Variants in ZC4H2 observed in about 807,000 individuals in gnomAD.
ZC4H2 encodes the protein zinc finger C4H2 domain-containing protein.
For synonymous variants in ZC4H2, 84 were observed against 66.3 expected, an observed-to-expected ratio of 1.27 and a Z score of -1.30; for missense variants, 137 against 173.9, an observed-to-expected ratio of 0.79 and a Z score of 1.19.
intron 1 of ZC4H2, among the ~76,000 whole-genome samples, chrX:64,954,361 T>A (rs1192955009): frequency 2.6e-4 from 20 of 76,790 alleles, no homozygotes; most frequent in Non-Finnish European, 4.1e-4. Context: ...TATAATTATA[T>A]ATATATATAT....
upstream of ZC4H2, among the ~76,000 whole-genome samples, chrX:64,979,157 CT>C (rs912527671): frequency 4.5e-5 from 5 of 112,144 alleles, no homozygotes; most frequent in African/African-American, 1.6e-4. Context: ...CATCACCCTA[CT>C]TGGCTGAAAC....
At chrX:64,951,628 G>A (rs969322913) in intron 1 of ZC4H2, among the ~76,000 whole-genome samples, 23 of 111,658 alleles carry the variant, frequency 2.1e-4, no homozygotes, top group Middle Eastern at 4.6e-3. Flanking sequence ...CATGTCCTTC[G>A]CCCATTTTTT....
At position 64,921,889 on chromosome X, in the gene ZC4H2, C is replaced by T. The variant is rs1196055058; in HGVS notation, c.153G>A (p.Glu51=). The T allele has an allele frequency of 8.3e-7, 1 of 1,210,903 alleles. No homozygotes were observed. Among genetic ancestry groups the T allele is most frequent in the South Asian group, 1.8e-5 (1 of 56,894 alleles). The change falls in exon 2 of 5, where the codon GAG becomes GAA. Residue 51 remains glutamate, a synonymous_variant. Transcript: ENST00000374839. Reference sequence around the variant, plus strand: ...TCTTCTCCTGTAGCAGAAGGTCCATCTCCTGCTTGTATTCCTTCAGGTGCC... The same window carrying T: ...TCTTCTCCTGTAGCAGAAGGTCCATTTCCTGCTTGTATTCCTTCAGGTGCC... ...EERHLKEYKQ[E]MDLLLQEKMA... is the part of the protein sequence containing the mutation.
intron 1 of ZC4H2, among the ~76,000 whole-genome samples, chrX:64,985,915 C>T (rs924794599): frequency 9.0e-6 from 1 of 111,703 alleles, no homozygotes; most frequent in Non-Finnish European, 1.9e-5. Flanking sequence ...TGTTAGTGGG[C>T]ATCAAAGCTG....
intron 1 of ZC4H2, among the ~76,000 whole-genome samples, chrX:65,025,100 T>C (rs188146898): frequency 2.7e-3 from 293 of 110,090 alleles, no homozygotes; most frequent in African/African-American, 8.8e-3. Context: ...TCTAAAAGCT[T>C]CATGAAATTC....
At chrX:65,003,149 T>C (rs189760155) in intron 1 of ZC4H2, among the ~76,000 whole-genome samples, 50 of 100,798 alleles carry the variant, frequency 5.0e-4, no homozygotes, top group African/African-American at 1.8e-3. Flanking sequence ...ACTGCAAAAC[T>C]ACATGGAAAA....
rs1221097406 is a variant in ZC4H2 at position 64,933,421 on chromosome X, T to A, written c.54-11433A>T. On this transcript the variant is annotated intron_variant, in intron 1 of 4. Coordinates refer to ENST00000374839, the MANE Select transcript of ZC4H2 (RefSeq NM_018684.4). ...CTAGTAGGATCTTTTCAGGATGATT[T>A]AGAACCCTGTCTTGTCATATTACCA... Among the ~76,000 whole-genome samples, 10 of 111,934 alleles carry A rather than the reference T, an allele frequency of 8.9e-5. No homozygotes were observed. The Admixed American group carries it at 9.5e-4, about 11-fold the overall frequency.
chrX:65,015,228 C>T (rs1932789808), intron 1 of ZC4H2, among the ~76,000 whole-genome samples: 1 of 112,031 alleles, frequency 8.9e-6, no homozygotes, highest in Non-Finnish European at 1.9e-5. Flanking sequence ...TATTTCTCTC[C>T]ATAAAAGCAG....
chrX:64,936,530 C>T (rs186632223), intron 1 of ZC4H2, among the ~76,000 whole-genome samples: 19 of 111,799 alleles, frequency 1.7e-4, no homozygotes, highest in African/African-American at 4.9e-4. Context: ...AGAGAAAGGT[C>T]GGGTTACCCA....
Position 64,973,731 on chromosome X carries a change from C to T in ZC4H2, c.53+2594G>A, listed in dbSNP as rs184289396. Among the ~76,000 whole-genome samples, 252 of 111,296 alleles carry T rather than the reference C, an allele frequency of 2.3e-3. 2 individuals carry two copies. Among genetic ancestry groups the T allele is most frequent in the African/African-American group, 7.7e-3 (235 of 30,706 alleles). On this transcript the variant is annotated intron_variant, in intron 1 of 4. Coordinates refer to ENST00000374839, the MANE Select transcript of ZC4H2 (RefSeq NM_018684.4). ...TTGGAGAATGTCTTGATTACCCATT[C>T]AATACTGAAGGATATTATTATTGGA...
chrX:64,960,306 G>A (rs1264288053), intron 1 of ZC4H2, among the ~76,000 whole-genome samples: 2 of 110,000 alleles, frequency 1.8e-5, no homozygotes, highest in Non-Finnish European at 3.8e-5. Flanking sequence ...CAATAGCACC[G>A]TTTTAATTTT....
chrX:65,016,648 C>G (rs1932799350), intron 1 of ZC4H2, among the ~76,000 whole-genome samples: 1 of 111,406 alleles, frequency 9.0e-6, no homozygotes, highest in African/African-American at 3.3e-5. Flanking sequence ...TTCTGCCTTA[C>G]TCTTAATTCT....
At chrX:64,963,187 T>C (rs1931463870) in intron 1 of ZC4H2, among the ~76,000 whole-genome samples, 2 of 111,690 alleles carry the variant, frequency 1.8e-5, no homozygotes, top group South Asian at 7.3e-4. Context: ...ATGCAAGAAA[T>C]GATAGTCCTT....
chrX:64,974,973 CAAAAAAA>C (rs58569761), intron 1 of ZC4H2, among the ~76,000 whole-genome samples: 23 of 35,845 alleles, frequency 6.4e-4, no homozygotes, highest in Non-Finnish European at 1.2e-3. Flanking sequence ...ATGCTTTTGC[CAAAAAAA>C]AAAAAAAAAA....
intron 1 of ZC4H2, among the ~76,000 whole-genome samples, chrX:64,942,534 G>A (rs1930338888): frequency 1.0e-5 from 1 of 97,438 alleles, no homozygotes; most frequent in Non-Finnish European, 2.0e-5. Flanking sequence ...CCTTGTGCCT[G>A]TATGTTCTCA....
chrX:64,989,181 A>T (rs1490050213), intron 1 of ZC4H2, among the ~76,000 whole-genome samples: 2 of 111,976 alleles, frequency 1.8e-5, no homozygotes, highest in Non-Finnish European at 3.8e-5. Context: ...CTTTTGGCTT[A>T]GGATTGACTT....
intron 1 of ZC4H2, chrX:65,034,606 G>A (rs1302632087): frequency 8.9e-6 from 1 of 112,071 alleles, no homozygotes; most frequent in Non-Finnish European, 1.9e-5. Flanking sequence ...GAGCATCCTG[G>A]ACCTCTCCTC....
chrX:64,928,827 T>TTCCTCCTCCTCCTTC (rs1228544810), intron 1 of ZC4H2, among the ~76,000 whole-genome samples: 4 of 101,439 alleles, frequency 3.9e-5, no homozygotes, highest in Non-Finnish European at 8.0e-5. Context: ...TCTTCTTCTC[T>TTCCTCCTCCTCCTTC]TCCTCCTCCT....
intron 1 of ZC4H2, among the ~76,000 whole-genome samples, chrX:65,009,610 T>C (rs1171122081): frequency 8.9e-6 from 1 of 112,015 alleles, no homozygotes; most frequent in African/African-American, 3.2e-5. Context: ...AAAGGTAATG[T>C]TTCCCTGCAA....
Sources: gnomAD v4.1 joint callset for allele counts (sites outside exome capture counted in the v4.1 genomes callset) on GRCh38, gnomAD v4.1.1 for gene constraint, MANE v1.5 for transcripts, NCBI Gene and HGNC (gene_info 2026-07-23, HGNC 2026-07-21) for gene names.